NECTIN3: variants seen among roughly 807,000 people sequenced by gnomAD.
NECTIN3 encodes nectin-3.
A neutral mutation model predicts 49.4 loss-of-function variants in NECTIN3; 8 were observed. The ratio of observed to expected loss-of-function variants is 0.16; its 90% CI spans 0.10 to 0.29. NECTIN3 has a LOEUF of 0.29. NECTIN3 is among the 10% of genes least tolerant of loss of function. The pLI is 1.00. For synonymous variants in NECTIN3, 277 were observed against 241.1 expected (o/e 1.15, Z -1.38); for missense variants, 581 against 654.6 (o/e 0.89, Z 1.23).
At chr3:111,187,428 C>T (rs7432996), upstream of NECTIN3, among the ~76,000 whole-genome samples, 27,756 of 152,004 alleles carry the variant, frequency 0.18, 5,337 homozygotes, top group African/African-American at 0.47. Flanking sequence ...ATTAAGCATA[C>T]TCTTACCGTA....
At chr3:111,183,313 A>ATT (rs771872333) in intron 7 of NECTIN3, among the ~76,000 whole-genome samples, 1 of 137,186 alleles carries the variant, frequency 7.3e-6, no homozygotes, top group African/African-American at 2.7e-5. Context: ...CTATTTCACT[A>ATT]TTTTTTTTTT....
chr3:111,074,966 T>G (rs2031075259), intron 1 of NECTIN3: 1 of 152,030 alleles, frequency 6.6e-6, no homozygotes, highest in African/African-American at 2.4e-5. Context: ...CCCATTTGGC[T>G]CTGAGATTCT....
At chr3:111,089,712 G>GA (rs2032146248) in intron 1 of NECTIN3, among the ~76,000 whole-genome samples, 1 of 152,118 alleles carries the variant, frequency 6.6e-6, no homozygotes, top group South Asian at 2.1e-4. Context: ...GTGTGCACTT[G>GA]AAAAAATTGC....
chr3:111,190,418 G>C (rs564554016), upstream of NECTIN3, among the ~76,000 whole-genome samples: 2 of 152,338 alleles, frequency 1.3e-5, no homozygotes, highest in Admixed American at 1.3e-4. Flanking sequence ...AGGGATGGAG[G>C]AGGATGACTA....
At chr3:111,074,896 G>C (rs1485242220) in intron 1 of NECTIN3, 1 of 151,714 alleles carries the variant, frequency 6.6e-6, no homozygotes, top group African/African-American at 2.4e-5. Flanking sequence ...AGGGGACATA[G>C]AGAATATTAT....
chr3:111,130,864 T>A (rs904933586), intron 5 of NECTIN3, among the ~76,000 whole-genome samples: 1 of 152,126 alleles, frequency 6.6e-6, no homozygotes, highest in East Asian at 1.9e-4. Flanking sequence ...TTTTGATGTA[T>A]ATTTTTCCCT....
intron 7 of NECTIN3, among the ~76,000 whole-genome samples, chr3:111,148,659 T>C (rs1367392915): frequency 6.6e-6 from 1 of 152,218 alleles, no homozygotes; most frequent in African/African-American, 2.4e-5. Flanking sequence ...GAAGTTGATC[T>C]GCTTTTCATG....
intron 7 of NECTIN3, among the ~76,000 whole-genome samples, chr3:111,176,423 A>G (rs1040623161): frequency 4.6e-5 from 7 of 152,190 alleles, no homozygotes; most frequent in African/African-American, 1.4e-4. Flanking sequence ...TTCTAGCTCA[A>G]GCTGCCTCTG....
In NECTIN3 at chr3:111,176,159, T is replaced by C. The variant is rs76218917; in HGVS notation, c.1222-16192T>C. ...TTACGTGTACATGAAGAGAAAATAG[T>C]TTTCACTGTTCTTGCCTCATGGAGT... On this transcript the variant is annotated intron_variant, in intron 7 of 8. Coordinates refer to the NECTIN3 transcript ENST00000493615. Among the ~76,000 whole-genome samples the C allele has an allele frequency of 0.02, 2,986 of 152,232 alleles. 171 individuals carry two copies. In the East Asian group the frequency reaches 0.22, roughly 11 times the overall value.
intron 5 of NECTIN3, among the ~76,000 whole-genome samples, chr3:111,130,489 TC>T (rs1204884865): frequency 6.6e-6 from 1 of 152,126 alleles, no homozygotes; most frequent in East Asian, 1.9e-4. Flanking sequence ...TTAATCTTTT[TC>T]ATTGTTACAT....
intron 7 of NECTIN3, among the ~76,000 whole-genome samples, chr3:111,153,496 G>A (rs1175065990): frequency 6.6e-6 from 1 of 151,852 alleles, no homozygotes; most frequent in Non-Finnish European, 1.5e-5. Flanking sequence ...AAAAAGATAA[G>A]CTTGTTTTAT....
At chr3:111,075,264 A>G (rs1175404938) in intron 1 of NECTIN3, 1 of 152,088 alleles carries the variant, frequency 6.6e-6, no homozygotes, top group Non-Finnish European at 1.5e-5. Context: ...TGAATGTGCA[A>G]TGAAAAAAAC....
rs2032082877 is a variant in NECTIN3 at position 111,088,767 on chromosome 3, A to G, written c.160+16590A>G. Among the ~76,000 whole-genome samples the G allele has an allele frequency of 2.0e-5, 3 of 152,132 alleles. No individual in the cohort carries two copies. The South Asian group carries it at 6.2e-4, about 32-fold the overall frequency. On this transcript the variant is annotated intron_variant, in intron 1 of 5. Coordinates refer to ENST00000485303, the MANE Select transcript of NECTIN3 (RefSeq NM_015480.3). ...ATTTTCTTTCCACATATGTTTATGA[A>G]TTGCATTGGCCCAAAATTTTTCTTT...
downstream of NECTIN3, among the ~76,000 whole-genome samples, chr3:111,138,044 C>A (rs2107501867): frequency 6.6e-6 from 1 of 151,628 alleles, no homozygotes. Flanking sequence ...TTTGCTATTA[C>A]TTTGGCATAA....
In NECTIN3 at chr3:111,126,316, A is replaced by T. The variant is rs370802857; in HGVS notation, c.1050A>T (p.Gln350His). 6.8e-6 allele frequency: 11 copies of T among 1,606,194 alleles called. No individual in the cohort carries two copies. Among genetic ancestry groups the T allele is most frequent in the African/African-American group, 1.3e-5 (1 of 74,530 alleles). The change falls in exon 5 of 6, where the codon CAA (glutamine) becomes CAT (histidine). Residue 350 changes from glutamine to histidine, a missense_variant. By Grantham distance (24) the Gln-to-His change is conservative. Transcript: ENST00000485303. ...VTNSLGQRSD[Q>H]KVIYISDPPT... is the part of the protein sequence containing the mutation. ...ATTCCCTTGGTCAAAGAAGTGACCA[A>T]AAAGTCATCTACATTTCAGGTAAGT...
rs1477268316 is a variant in NECTIN3 at position 111,122,131 on chromosome 3, A to G, written c.810A>G (p.Glu270=). 1.9e-6 allele frequency: 3 copies of G among 1,608,274 alleles called. No individual in the cohort carries two copies. The highest frequency in any genetic ancestry group is 1.6e-4 in the Middle Eastern group (1 of 6,074). ...GCATTTATTTTATAGATGCTCCTGA[A>G]GTTTCGGTAACAGGATATGATGGAA... ...SFILDIQYAP[E]VSVTGYDGNW... is the part of the protein sequence containing the mutation. Residue 270 remains glutamate (E), a synonymous_variant, in exon 4 of 6, where the codon GAA becomes GAG. Transcript: ENST00000485303.
At chr3:111,102,593 C>G (rs1238347565) in intron 1 of NECTIN3, among the ~76,000 whole-genome samples, 1 of 152,176 alleles carries the variant, frequency 6.6e-6, no homozygotes, top group Non-Finnish European at 1.5e-5. Flanking sequence ...TTAAGCATGG[C>G]TTGTCTTTTT....
chr3:111,090,214 T>G (rs1229947009), intron 1 of NECTIN3, among the ~76,000 whole-genome samples: 1 of 152,196 alleles, frequency 6.6e-6, no homozygotes, highest in Non-Finnish European at 1.5e-5. Context: ...TTTGGCCTAT[T>G]TAGTTATTAG....
rs556172196 is a variant in NECTIN3, at chr3:111,134,860, G to A, written c.*645G>A. On this transcript the variant is annotated 3_prime_UTR_variant, in exon 6 of 6. Transcript: ENST00000485303. ...GATATTTTGTTGCACTAAAACTGTG[G>A]TAGTAAACTCAGTGAACATGATGTG... The A allele has an allele frequency of 2.0e-6, 2 of 982,592 alleles. No individual in the cohort carries two copies. Among genetic ancestry groups the A allele is most frequent in the African/African-American group, 1.7e-5 (1 of 57,214 alleles). 60.9% of individuals were successfully genotyped at this position (982,592 alleles called of 1,614,324 possible).
Sources: gnomAD v4.1 joint callset for allele counts (sites outside exome capture counted in the v4.1 genomes callset) on GRCh38, gnomAD v4.1.1 for gene constraint, MANE v1.5 for transcripts, NCBI Gene and HGNC (gene_info 2026-07-23, HGNC 2026-07-21) for gene names.